The following C8orf34 variants were observed in gnomAD, a reference collection of about 807,000 sequenced individuals.
C8orf34 encodes uncharacterized protein C8orf34.
A neutral mutation model predicts 68.3 loss-of-function variants in C8orf34; 65 were observed. That is an observed-to-expected ratio of 0.95 (90% CI 0.78 to 1.17). C8orf34 has a LOEUF of 1.17. Ranked by LOEUF, C8orf34 falls within the 50% of genes most tolerant of loss-of-function variation. C8orf34 has a pLI of 0.00. For synonymous variants in C8orf34, 244 were observed against 241.2 expected (o/e 1.01, Z -0.11); for missense variants, 664 against 655.4 (o/e 1.01, Z -0.14).
chr8:68,372,389 C>G (rs1807598712), intron 1 of C8orf34, among the ~76,000 whole-genome samples: 1 of 152,018 alleles, frequency 6.6e-6, no homozygotes, highest in South Asian at 2.1e-4. Context: ...TCTCAGAGAC[C>G]CAGTCCCTCC....
chr8:68,529,169 C>G (rs776620479), intron 6 of C8orf34, among the ~76,000 whole-genome samples: 3 of 152,218 alleles, frequency 2.0e-5, no homozygotes. Flanking sequence ...AGAAGCTCCT[C>G]AAAGTAGTTT....
chr8:68,647,162 A>T (rs1387387928), intron 8 of C8orf34, among the ~76,000 whole-genome samples: 1 of 152,212 alleles, frequency 6.6e-6, no homozygotes, highest in Non-Finnish European at 1.5e-5. Context: ...AGAAAAAGAC[A>T]TACACATGGC....
At chr8:68,536,327 C>G (rs1408920401) in intron 7 of C8orf34, among the ~76,000 whole-genome samples, 1 of 129,140 alleles carries the variant, frequency 7.7e-6, no homozygotes, top group Non-Finnish European at 1.6e-5. Context: ...CCACTGTAGT[C>G]CAGCCTGGGT....
At chr8:68,441,858 G>C in intron 2 of C8orf34, among the ~76,000 whole-genome samples, 1 of 152,216 alleles carries the variant, frequency 6.6e-6, no homozygotes, top group East Asian at 1.9e-4. Flanking sequence ...CCATGGGAAA[G>C]AGATCATGTT....
At chr8:68,344,870 A>T (rs1419314695) in intron 1 of C8orf34, among the ~76,000 whole-genome samples, 2 of 152,130 alleles carry the variant, frequency 1.3e-5, no homozygotes, top group Non-Finnish European at 2.9e-5. Flanking sequence ...GATCTGTGAT[A>T]TTGATAGAAA....
At chr8:68,362,318 G>A (rs979519131) in intron 1 of C8orf34, among the ~76,000 whole-genome samples, 6 of 152,104 alleles carry the variant, frequency 3.9e-5, no homozygotes, top group African/African-American at 1.2e-4. Context: ...TCAATTTGAT[G>A]TTTTCATCAT....
chr8:68,382,704 C>T (rs1043817366), intron 1 of C8orf34, among the ~76,000 whole-genome samples: 1 of 152,166 alleles, frequency 6.6e-6, no homozygotes, highest in African/African-American at 2.4e-5. Flanking sequence ...TTAGGAACTC[C>T]TCCACCTCCA....
At chr8:68,603,942 T>C (rs921302305) in intron 7 of C8orf34, among the ~76,000 whole-genome samples, 8 of 152,138 alleles carry the variant, frequency 5.3e-5, no homozygotes, top group African/African-American at 1.7e-4. Context: ...TGCATCCTTC[T>C]GACTAATAAT....
intron 7 of C8orf34, among the ~76,000 whole-genome samples, chr8:68,578,477 A>C (rs770405455): frequency 6.6e-6 from 1 of 151,964 alleles, no homozygotes. Flanking sequence ...GGTACCATTG[A>C]TGGGGTTGCC....
intron 10 of C8orf34, among the ~76,000 whole-genome samples, chr8:68,768,726 A>G (rs4336598): frequency 0.4 from 60,326 of 151,994 alleles, 13,248 homozygotes; most frequent in East Asian, 0.58. Flanking sequence ...TGTAAGAGTC[A>G]TATGAAATCC....
At chr8:68,788,260 C>T (rs546685290) in intron 12 of C8orf34, among the ~76,000 whole-genome samples, 54 of 152,292 alleles carry the variant, frequency 3.5e-4, no homozygotes, top group African/African-American at 1.2e-3. Context: ...AAATAATTCT[C>T]CTGAGCCATA....
intron 3 of C8orf34, among the ~76,000 whole-genome samples, chr8:68,454,639 C>G (rs1402027723): frequency 6.6e-6 from 1 of 151,842 alleles, no homozygotes. Flanking sequence ...TTTGAGTTTT[C>G]TTTTTCAATC....
chr8:68,733,897 C>A (rs1189028427), intron 10 of C8orf34, among the ~76,000 whole-genome samples: 1 of 152,158 alleles, frequency 6.6e-6, no homozygotes, highest in African/African-American at 2.4e-5. Context: ...AAGTAAATAT[C>A]TCTCCACGAT....
At chr8:68,510,108 T>C (rs1814199702) in intron 5 of C8orf34, among the ~76,000 whole-genome samples, 1 of 152,142 alleles carries the variant, frequency 6.6e-6, no homozygotes, top group Non-Finnish European at 1.5e-5. Flanking sequence ...CCAGTTTTTT[T>C]CTTAGGGCTT....
intron 5 of C8orf34, among the ~76,000 whole-genome samples, chr8:68,488,341 A>T (rs1253037425): frequency 6.6e-6 from 1 of 152,096 alleles, no homozygotes; most frequent in East Asian, 1.9e-4. Context: ...ACACTATATT[A>T]TGTAAATTAT....
At chr8:68,461,255 G>T (rs940569748) in intron 3 of C8orf34, among the ~76,000 whole-genome samples, 17 of 152,268 alleles carry the variant, frequency 1.1e-4, no homozygotes, top group African/African-American at 4.1e-4. Context: ...CGAATAAAAA[G>T]AAATGAACAA....
intron 1 of C8orf34, among the ~76,000 whole-genome samples, chr8:68,423,235 T>C (rs72664943): frequency 0.015 from 2,272 of 152,252 alleles, 58 homozygotes; most frequent in African/African-American, 0.048. Context: ...CTAAGCTTTT[T>C]ATGTTCTGTT....
chr8:68,448,329 A>G (rs1210003571), intron 3 of C8orf34, among the ~76,000 whole-genome samples: 1 of 151,900 alleles, frequency 6.6e-6, no homozygotes, highest in African/African-American at 2.4e-5. Flanking sequence ...AAGCAAAAAT[A>G]ATAATAAAAT....
At chr8:68,800,957 G>C (rs943452646) in intron 12 of C8orf34, among the ~76,000 whole-genome samples, 1 of 151,994 alleles carries the variant, frequency 6.6e-6, no homozygotes, top group African/African-American at 2.4e-5. Flanking sequence ...GCAGAGGAGG[G>C]ATATTCAGGG....
Sources: allele counts gnomAD v4.1 joint callset (sites outside exome capture counted in the v4.1 genomes callset), GRCh38; gene constraint gnomAD v4.1.1; transcripts MANE v1.5; gene names NCBI Gene and HGNC (gene_info 2026-07-23, HGNC 2026-07-21).